The following RIT2 variants were observed in gnomAD, a reference collection of about 807,000 sequenced individuals.
The protein encoded by RIT2 is GTP-binding protein Rit2.
A neutral mutation model predicts 23.7 loss-of-function variants in RIT2; 24 were observed. The ratio of observed to expected loss-of-function variants is 1.01; its 90% CI spans 0.73 to 1.43. RIT2 has a LOEUF of 1.43. Among genes scored for constraint, RIT2 ranks in the 40% most tolerant of loss-of-function variants. The probability of loss-of-function intolerance (pLI) is 0.00; values close to 1 mark genes in which losing one functional copy is unlikely to be tolerated. For synonymous variants in RIT2, 107 were observed against 91.1 expected, an observed-to-expected ratio of 1.17 and a Z score of -0.99; for missense variants, 236 against 266.9, an observed-to-expected ratio of 0.88 and a Z score of 0.81.
chr18:42,755,092 A>G (rs1172004324), intron 4 of RIT2, among the ~76,000 whole-genome samples: 1 of 152,180 alleles, frequency 6.6e-6, no homozygotes, highest in Non-Finnish European at 1.5e-5. Flanking sequence ...AAAGGCACTT[A>G]TAGAGTTCCT....
At chr18:42,984,609 T>A (rs868299427) in intron 2 of RIT2, among the ~76,000 whole-genome samples, 130 of 152,086 alleles carry the variant, frequency 8.5e-4, no homozygotes, top group Middle Eastern at 3.2e-3. Flanking sequence ...TTTATTATAC[T>A]TTTTTGGCTT....
At chr18:42,847,988 C>T (rs978514191) in intron 4 of RIT2, among the ~76,000 whole-genome samples, 30 of 150,772 alleles carry the variant, frequency 2.0e-4, no homozygotes, top group Admixed American at 1.7e-3. Context: ...TGATAGGCCT[C>T]CTAGATCCCC....
At chr18:42,913,423 A>G (rs1351310218) in intron 4 of RIT2, among the ~76,000 whole-genome samples, 1 of 151,962 alleles carries the variant, frequency 6.6e-6, no homozygotes, top group African/African-American at 2.4e-5. Context: ...TCTGTAAAAG[A>G]TCCCATTAAA....
chr18:43,043,353 C>G (rs151252223), intron 1 of RIT2, among the ~76,000 whole-genome samples: 1,571 of 152,232 alleles, frequency 0.01, 21 homozygotes, highest in Non-Finnish European at 0.014. Context: ...ATTCCTTCCT[C>G]TTACCTGAAA....
intron 4 of RIT2, among the ~76,000 whole-genome samples, chr18:42,910,622 GAGA>G (rs1462704578): frequency 6.6e-6 from 1 of 152,124 alleles, no homozygotes; most frequent in Non-Finnish European, 1.5e-5. Context: ...TGGTGAGGTA[GAGA>G]AGAAGAGAAG....
intron 4 of RIT2, among the ~76,000 whole-genome samples, chr18:42,769,347 T>C (rs1349847990): frequency 6.6e-6 from 1 of 152,108 alleles, no homozygotes; most frequent in Non-Finnish European, 1.5e-5. Flanking sequence ...GTTATCAAGT[T>C]TTTTTTCAGC....
rs775947405 is a variant in RIT2 at position 43,115,403 on chromosome 18, G to A, written c.103+14C>T. ...GAGGTCCCTCCTTCCCCAGCATTTG[G>A]TGTGAAAACTTACCGCTTTTACCAA... On this transcript the variant is annotated intron_variant, in intron 1 of 4. Transcript: ENST00000326695. The A allele has an allele frequency of 1.2e-6, 2 of 1,612,520 alleles. No individual in the cohort carries two copies. Among genetic ancestry groups the A allele is most frequent in the Non-Finnish European group, 1.7e-6 (2 of 1,179,452 alleles).
At chr18:42,988,358 C>T (rs1161971703) in intron 2 of RIT2, among the ~76,000 whole-genome samples, 2 of 152,012 alleles carry the variant, frequency 1.3e-5, no homozygotes, top group African/African-American at 4.8e-5. Flanking sequence ...TAATTTTTTT[C>T]CAATAATTTT....
chr18:42,838,431 A>T (rs1231638981), intron 4 of RIT2, among the ~76,000 whole-genome samples: 1 of 151,884 alleles, frequency 6.6e-6, no homozygotes, highest in Non-Finnish European at 1.5e-5. Flanking sequence ...AATAATAATT[A>T]TAACAATAAA....
At chr18:43,068,358 C>T (rs1203810974) in intron 1 of RIT2, among the ~76,000 whole-genome samples, 3 of 152,126 alleles carry the variant, frequency 2.0e-5, no homozygotes, top group Non-Finnish European at 4.4e-5. Context: ...GGGATTTACT[C>T]ATAATAACTG....
At chr18:42,926,942 C>T (rs1167026413) in intron 3 of RIT2, among the ~76,000 whole-genome samples, 4 of 151,868 alleles carry the variant, frequency 2.6e-5, no homozygotes, top group Non-Finnish European at 5.9e-5. Flanking sequence ...TGTCACATAA[C>T]CTCTCTGTGC....
At chr18:42,768,042 A>T (rs1314907624) in intron 4 of RIT2, among the ~76,000 whole-genome samples, 1 of 152,062 alleles carries the variant, frequency 6.6e-6, no homozygotes, top group Non-Finnish European at 1.5e-5. Context: ...ATATGTATAT[A>T]CATGTATATA....
At chr18:42,962,245 T>C (rs1487636475) in intron 3 of RIT2, among the ~76,000 whole-genome samples, 1 of 152,216 alleles carries the variant, frequency 6.6e-6, no homozygotes, top group East Asian at 1.9e-4. Flanking sequence ...AATAGCACTT[T>C]GCATTTTACT....
intron 2 of RIT2, among the ~76,000 whole-genome samples, chr18:43,017,958 TACAC>T (rs752160748): frequency 6.6e-6 from 1 of 152,058 alleles, no homozygotes; most frequent in Non-Finnish European, 1.5e-5. Context: ...TGCAACCTGA[TACAC>T]ACACGTTTAC....
At chr18:43,106,884 G>T (rs1913835577) in intron 1 of RIT2, among the ~76,000 whole-genome samples, 1 of 152,188 alleles carries the variant, frequency 6.6e-6, no homozygotes, top group Admixed American at 6.5e-5. Flanking sequence ...AGAAGGACAG[G>T]TAGCACTGTT....
At chr18:43,012,819 G>A (rs2144256012) in intron 2 of RIT2, among the ~76,000 whole-genome samples, 1 of 151,690 alleles carries the variant, frequency 6.6e-6, no homozygotes, top group Non-Finnish European at 1.5e-5. Flanking sequence ...TTTTGTAATT[G>A]AAGACATTCT....
intron 3 of RIT2, among the ~76,000 whole-genome samples, chr18:42,959,636 A>G (rs1035030191): frequency 2.6e-5 from 4 of 152,170 alleles, no homozygotes; most frequent in African/African-American, 9.6e-5. Context: ...GGCTCTGGGG[A>G]CCAGTCATTT....
At chr18:42,959,855 T>C (rs901209459) in intron 3 of RIT2, among the ~76,000 whole-genome samples, 4 of 152,184 alleles carry the variant, frequency 2.6e-5, no homozygotes, top group African/African-American at 4.8e-5. Context: ...ATTTCTGAGA[T>C]GATGACTAGG....
intron 4 of RIT2, among the ~76,000 whole-genome samples, chr18:42,866,661 A>G (rs917665777): frequency 1.3e-5 from 2 of 151,152 alleles, no homozygotes; most frequent in Admixed American, 1.3e-4. Flanking sequence ...AAAAGAAAAC[A>G]CCCCTTCTCC....
Sources: gnomAD v4.1 joint callset for allele counts (sites outside exome capture counted in the v4.1 genomes callset) on GRCh38, gnomAD v4.1.1 for gene constraint, MANE v1.5 for transcripts, NCBI Gene and HGNC (gene_info 2026-07-23, HGNC 2026-07-21) for gene names.